Variants in NUP93 observed in about 807,000 individuals in gnomAD.
The protein encoded by NUP93 is nuclear pore complex protein Nup93.
NUP93 carries 55 observed loss-of-function variants against 107.8 expected under a neutral mutation model. The observed-to-expected ratio is 0.51, with a 90% confidence interval of 0.41 to 0.64. The LOEUF (loss-of-function observed/expected upper bound fraction) is 0.64. Ranked by LOEUF, NUP93 falls within the 30% of genes least tolerant of loss-of-function variation. The pLI is 0.00. For synonymous variants in NUP93, 390 were observed against 397.5 expected, an observed-to-expected ratio of 0.98 and a Z score of 0.22; for missense variants, 937 against 1,044.7, an observed-to-expected ratio of 0.90 and a Z score of 1.42.
Position 56,752,400 on chromosome 16 carries a change from A to G in NUP93, c.179+3974A>G, listed in dbSNP as rs530904723. ...ATGTCTATGTAGTAGAGTACTCTTC[A>G]GTAGTACAAAGGAATGAGAATATAC... On this transcript the variant is annotated intron_variant, in intron 2 of 21. Coordinates refer to ENST00000308159, the MANE Select transcript of NUP93 (RefSeq NM_014669.5). Among the ~76,000 whole-genome samples the G allele has an allele frequency of 4.6e-5, 7 of 152,334 alleles. No individual in the cohort carries two copies. In the East Asian group the frequency reaches 1.3e-3, roughly 29 times the overall value.
intron 5 of NUP93, among the ~76,000 whole-genome samples, chr16:56,813,252 T>C (rs1963353861): frequency 6.6e-6 from 1 of 152,236 alleles, no homozygotes; most frequent in Admixed American, 6.5e-5. Context: ...CATCTCAACA[T>C]CTCTCAAATC....
intron 6 of NUP93, among the ~76,000 whole-genome samples, chr16:56,820,407 C>G (rs545601465): frequency 2.8e-4 from 42 of 152,288 alleles, no homozygotes; most frequent in African/African-American, 9.9e-4. Context: ...CCTCTGCCTC[C>G]CAGATTCAAG....
intron 16 of NUP93, among the ~76,000 whole-genome samples, chr16:56,835,604 T>C (rs1963892247): frequency 6.6e-6 from 1 of 152,174 alleles, no homozygotes; most frequent in South Asian, 2.1e-4. Context: ...GAAACATAGA[T>C]AAGACCTTAT....
intron 2 of NUP93, among the ~76,000 whole-genome samples, chr16:56,754,879 T>C (rs546836037): frequency 6.6e-6 from 1 of 152,350 alleles, no homozygotes; most frequent in African/African-American, 2.4e-5. Context: ...CTCTACATTC[T>C]CTGGTAGCTG....
At chr16:56,770,340 T>C (rs544636560) in intron 3 of NUP93, among the ~76,000 whole-genome samples, 32 of 152,322 alleles carry the variant, frequency 2.1e-4, no homozygotes, top group African/African-American at 7.0e-4. Context: ...GAAGTCATCA[T>C]TGGTCACAAA....
At chr16:56,835,542 C>G (rs1371396371) in intron 16 of NUP93, among the ~76,000 whole-genome samples, 1 of 152,220 alleles carries the variant, frequency 6.6e-6, no homozygotes, top group Non-Finnish European at 1.5e-5. Context: ...TCTTCTTTAA[C>G]AGGCTGCACT....
chr16:56,805,697 C>T, intron 5 of NUP93, 65 bp downstream of exon 5: 1 of 1,510,236 alleles, frequency 6.6e-7, no homozygotes, highest in Non-Finnish European at 9.0e-7. Context: ...TACTTGTCTA[C>T]TTGACTAGTA....
chr16:56,849,463 C>T lies in NUP93; in HGVS notation c.*4854C>T, dbSNP rs555630280. ...GGAGGGCAAAAAAGTTTGCCCCAGA[C>T]ACTGGCTTCTGTTTGAACAGGAAGT... is the stretch of plus-strand genomic sequence containing the variant. On this transcript the variant is annotated 3_prime_UTR_variant, in exon 22 of 22. Transcript: ENST00000308159. 6.6e-6 allele frequency: 1 copy of T among 152,254 alleles called. No homozygotes were observed. Among genetic ancestry groups the T allele is most frequent in the East Asian group, 1.9e-4 (1 of 5,200 alleles). 9.4% of individuals were successfully genotyped at this position (152,254 alleles called of 1,614,324 possible). A position where few individuals can be genotyped will look rare whatever the true frequency, so the allele number is the denominator to read the frequency against.
intron 3 of NUP93, among the ~76,000 whole-genome samples, chr16:56,762,191 A>T (rs750756817): frequency 3.4e-4 from 52 of 152,176 alleles, no homozygotes; most frequent in Admixed American, 1.4e-3. Flanking sequence ...TATTGATGGC[A>T]TATTGCACAT....
At chr16:56,752,373 G>T (rs1961938313) in intron 2 of NUP93, among the ~76,000 whole-genome samples, 1 of 152,182 alleles carries the variant, frequency 6.6e-6, no homozygotes, top group Non-Finnish European at 1.5e-5. Context: ...GAATAATGTA[G>T]TATGTCTATG....
chr16:56,789,716 C>T (rs1013069050), intron 3 of NUP93, among the ~76,000 whole-genome samples: 9 of 152,352 alleles, frequency 5.9e-5, no homozygotes, highest in Admixed American at 1.3e-4. Context: ...CAGCTCTGCC[C>T]GCTTAGCACT....
Position 56,847,291 on chromosome 16 carries a change from C to T in NUP93, c.*2682C>T, listed in dbSNP as rs1337855936. On this transcript the variant is annotated 3_prime_UTR_variant, in exon 22 of 22. Coordinates refer to ENST00000308159, the MANE Select transcript of NUP93 (RefSeq NM_014669.5). ...TCAGGTTGTCATGTACCCATCATTACAGCTTATGCCCAGAAGTCCTGACCC... is the reference window on the plus strand; with the variant it reads ...TCAGGTTGTCATGTACCCATCATTATAGCTTATGCCCAGAAGTCCTGACCC... 3.3e-5 allele frequency: 5 copies of T among 152,216 alleles called. No individual in the cohort carries two copies. Among genetic ancestry groups the T allele is most frequent in the African/African-American group, 1.2e-4 (5 of 41,462 alleles). 9.4% of individuals were successfully genotyped at this position (152,216 alleles called of 1,614,324 possible).
chr16:56,844,517 C>T lies in NUP93; in HGVS notation c.2368C>T (p.Arg790Cys), dbSNP rs1194666730. The T allele has an allele frequency of 9.3e-6, 14 of 1,507,396 alleles. No homozygotes were observed. The highest frequency in any genetic ancestry group is 5.0e-5 in the East Asian group (2 of 39,780). 93.4% of individuals were successfully genotyped at this position (1,507,396 alleles called of 1,614,324 possible). The stretch of plus-strand genomic sequence containing the variant: ...CTCTCAGCAACTCCGAAGTCAAGCC[C>T]GCACTCTGATTACCTTTGCTGGAAT... ...DRDSQLRSQARTLITFAGMIP... is the reference protein window; with the variant it reads ...DRDSQLRSQACTLITFAGMIP... Residue 790 changes from arginine (R) to cysteine (C), a missense_variant, in exon 22 of 22, where the codon CGC becomes TGC. Arg to Cys is a radical substitution (Grantham distance 180, BLOSUM62 -3). Transcript: ENST00000308159.
In NUP93 at chr16:56,836,562, G is replaced by A. The variant is rs112276608; in HGVS notation, c.1783-39G>A. The A allele has an allele frequency of 7.6e-3, 9,226 of 1,213,422 alleles. 56 individuals carry two copies. Among genetic ancestry groups the A allele is most frequent in the South Asian group, 0.014 (1,159 of 81,238 alleles). The allele number at this position is 1,213,422 out of a possible 1,614,324, so 75.2% of individuals were successfully genotyped here. A position where few individuals can be genotyped will look rare whatever the true frequency, so the allele number is the denominator to read the frequency against. Reference sequence around the variant, plus strand: ...TTTAAAATAATAGCTCTGTGCACCCGTCTCTCTCTTCCTCCCCCTCCATAA... The same window carrying A: ...TTTAAAATAATAGCTCTGTGCACCCATCTCTCTCTTCCTCCCCCTCCATAA... On this transcript the variant is annotated intron_variant, in intron 16 of 21. Transcript: ENST00000308159.
intron 5 of NUP93, among the ~76,000 whole-genome samples, chr16:56,810,583 G>A (rs1470745040): frequency 6.6e-6 from 1 of 152,146 alleles, no homozygotes; most frequent in Non-Finnish European, 1.5e-5. Flanking sequence ...AGTGAGCTGT[G>A]ATCGCACCAC....
chr16:56,831,559 C>A, intron 10 of NUP93: 1 of 333,416 alleles, frequency 3.0e-6, no homozygotes, highest in South Asian at 3.4e-5. Context: ...TTGAGTGCTG[C>A]TGGGTTGTGC....
intron 12 of NUP93, 26 bp from the exon 13 acceptor site, chr16:56,833,189 A>G: frequency 2.6e-6 from 4 of 1,560,498 alleles, no homozygotes; most frequent in Admixed American, 2.0e-5. Flanking sequence ...AGTTGGTTTT[A>G]TCTCCTCTCC....
At chr16:56,818,601 T>C (rs1308607407) in intron 5 of NUP93, 63 bp from the exon 6 acceptor site, 3 of 1,283,106 alleles carry the variant, frequency 2.3e-6, no homozygotes, top group Non-Finnish European at 3.4e-6. Context: ...TATGATGTGA[T>C]TTGATTTCTT....
chr16:56,731,834 C>G (rs1216783836), intron 1 of NUP93, among the ~76,000 whole-genome samples: 1 of 151,988 alleles, frequency 6.6e-6, no homozygotes, highest in African/African-American at 2.4e-5. Context: ...GTTTTTTGCA[C>G]AGCAGCTAGA....
Sources: gnomAD v4.1 joint callset for allele counts (sites outside exome capture counted in the v4.1 genomes callset) on GRCh38, gnomAD v4.1.1 for gene constraint, MANE v1.5 for transcripts, NCBI Gene and HGNC (gene_info 2026-07-23, HGNC 2026-07-21) for gene names.